NEMP2: variants seen among roughly 807,000 people sequenced by gnomAD.
NEMP2 encodes UPF0571 transmembrane protein.
NEMP2 carries 53 observed loss-of-function variants against 54.2 expected under a neutral mutation model. The ratio of observed to expected loss-of-function variants is 0.98; its 90% CI spans 0.78 to 1.23. NEMP2 has a LOEUF of 1.23. Among genes scored for constraint, NEMP2 ranks in the 50% most tolerant of loss-of-function variants. The probability of loss-of-function intolerance (pLI) is 0.00; values close to 1 mark genes in which losing one functional copy is unlikely to be tolerated. For synonymous variants in NEMP2, 197 were observed against 190.3 expected, an observed-to-expected ratio of 1.04 and a Z score of -0.29; for missense variants, 455 against 511.3, an observed-to-expected ratio of 0.89 and a Z score of 1.06.
At chr2:190,453,358 C>A in the NEMP2 span, among the ~76,000 whole-genome samples, 1 of 152,072 alleles carries the variant, frequency 6.6e-6, no homozygotes, top group South Asian at 2.1e-4. Flanking sequence ...GGAGGATGCC[C>A]ATTGGAAAGT....
At chr2:190,463,494 T>A in the NEMP2 span, among the ~76,000 whole-genome samples, 11 of 151,590 alleles carry the variant, frequency 7.3e-5, no homozygotes, top group Admixed American at 3.3e-4. This position sits in a 1 kb window ranked among gnomAD's most constrained non-coding sequence, Gnocchi z 4.4. Flanking sequence ...AAAAAAAAAT[T>A]TTTTTTAGGG....
At chr2:190,569,037 C>T in the NEMP2 span, among the ~76,000 whole-genome samples, 1 of 151,914 alleles carries the variant, frequency 6.6e-6, no homozygotes, top group African/African-American at 2.4e-5. Flanking sequence ...ACAGCTGAGG[C>T]CAGGTGTGGT....
At chr2:190,636,469 C>CA in the NEMP2 span, among the ~76,000 whole-genome samples, 4 of 152,266 alleles carry the variant, frequency 2.6e-5, no homozygotes, top group Admixed American at 2.6e-4. Context: ...CTTTAAGTCT[C>CA]AAAAATATCC....
the NEMP2 span, among the ~76,000 whole-genome samples, chr2:190,586,681 G>A: frequency 6.6e-6 from 1 of 151,780 alleles, no homozygotes; most frequent in Non-Finnish European, 1.5e-5. This position sits in a 1 kb window ranked among gnomAD's most constrained non-coding sequence, Gnocchi z 4.5. Flanking sequence ...CCAACTAAGA[G>A]GTTTTTATCC....
chr2:190,574,764 T>A, the NEMP2 span, among the ~76,000 whole-genome samples: 1 of 130,118 alleles, frequency 7.7e-6, no homozygotes, highest in Non-Finnish European at 1.7e-5. Context: ...ATTTCCTTCC[T>A]TCCCTCCCTT....
the NEMP2 span, among the ~76,000 whole-genome samples, chr2:190,591,409 T>A: frequency 6.6e-6 from 1 of 152,180 alleles, no homozygotes; most frequent in Admixed American, 6.5e-5. This position sits in a 1 kb window ranked among gnomAD's most constrained non-coding sequence, Gnocchi z 5.4. Flanking sequence ...TGATTCCACC[T>A]CCATGCAATG....
Position 190,512,776 on chromosome 2 carries a change from G to C in NEMP2, c.953+1677C>G, listed in dbSNP as rs1337404697. The stretch of plus-strand genomic sequence containing the variant: ...GGTGTTCCGAGTCACTGTTTGCCTC[G>C]GGCAGATGGGGCAAAGAGAGACCCA... On this transcript the variant is annotated intron_variant, in intron 7 of 8. Transcript: ENST00000409150. This position sits in a 1 kb window ranked among gnomAD's most constrained non-coding sequence, Gnocchi z 4.5. Among the ~76,000 whole-genome samples, 3 of 152,132 alleles carry C rather than the reference G, an allele frequency of 2.0e-5. No homozygotes were observed. The highest frequency in any genetic ancestry group is 4.4e-5 in the Non-Finnish European group (3 of 68,028).
the NEMP2 span, among the ~76,000 whole-genome samples, chr2:190,450,142 G>A: frequency 6.6e-6 from 1 of 152,102 alleles, no homozygotes. Flanking sequence ...CAGCTGTTTC[G>A]TTATCTTGAG....
chr2:190,577,635 G>A, the NEMP2 span, among the ~76,000 whole-genome samples: 1 of 152,162 alleles, frequency 6.6e-6, no homozygotes, highest in Non-Finnish European at 1.5e-5. The surrounding 1 kb of genome is among the most constrained non-coding windows in gnomAD (Gnocchi z 4.8). Context: ...CAGCACTTTG[G>A]GAGGCTGAGG....
the NEMP2 span, among the ~76,000 whole-genome samples, chr2:190,480,090 A>C: frequency 2.6e-3 from 402 of 152,174 alleles, 1 homozygote; most frequent in Non-Finnish European, 3.8e-3. Context: ...TTGACCCCAA[A>C]AGGTTGAAGC....
the NEMP2 span, among the ~76,000 whole-genome samples, chr2:190,598,274 CTT>C: frequency 6.6e-6 from 1 of 152,142 alleles, no homozygotes; most frequent in African/African-American, 2.4e-5. Context: ...AGAGAAGACT[CTT>C]GGGAGAATAA....
At chr2:190,631,217 C>T in the NEMP2 span, among the ~76,000 whole-genome samples, 3 of 152,144 alleles carry the variant, frequency 2.0e-5, no homozygotes, top group Non-Finnish European at 2.9e-5. Flanking sequence ...TTCCAAGATG[C>T]TTACATATCC....
chr2:190,610,713 A>G, the NEMP2 span: 2 of 152,362 alleles, frequency 1.3e-5, no homozygotes. This position sits in a 1 kb window ranked among gnomAD's most constrained non-coding sequence, Gnocchi z 5.4. Context: ...TTTTGGAATC[A>G]GGTAGAGAGA....
At chr2:190,551,015 A>T in the NEMP2 span, among the ~76,000 whole-genome samples, 1 of 150,658 alleles carries the variant, frequency 6.6e-6, no homozygotes, top group East Asian at 1.9e-4. Flanking sequence ...GTTGTAAAAA[A>T]TATGATGGTA....
the NEMP2 span, among the ~76,000 whole-genome samples, chr2:190,595,196 G>A: frequency 6.6e-6 from 1 of 152,164 alleles, no homozygotes; most frequent in Non-Finnish European, 1.5e-5. This position sits in a 1 kb window ranked among gnomAD's most constrained non-coding sequence, Gnocchi z 4.0. Flanking sequence ...ACACTGGCTA[G>A]CCATATGCAG....
At chr2:190,441,616 T>C in the NEMP2 span, among the ~76,000 whole-genome samples, 3 of 152,120 alleles carry the variant, frequency 2.0e-5, no homozygotes, top group Admixed American at 2.0e-4. Context: ...CATGTGCTGG[T>C]CAGTACTCAG....
chr2:190,537,147 A>G (rs904395563), upstream of NEMP2, among the ~76,000 whole-genome samples: 16 of 152,236 alleles, frequency 1.1e-4, no homozygotes, highest in African/African-American at 3.9e-4. Flanking sequence ...ATTTCAGCAG[A>G]AAGAGGAAAA....
At position 190,531,997 on chromosome 2, in the gene NEMP2, A is replaced by C. The variant is rs1175320905; in HGVS notation, c.97+2562T>G. ...ATATGGGGAAAAAAAATATCTTCAG[A>C]TGAAACTAGAATGGAATCATAATAT... On this transcript the variant is annotated intron_variant, in intron 1 of 8. Coordinates refer to ENST00000409150, the MANE Select transcript of NEMP2 (RefSeq NM_001142645.2). This position sits in a 1 kb window ranked among gnomAD's most constrained non-coding sequence, Gnocchi z 4.7. Among the ~76,000 whole-genome samples, 1 of 152,170 alleles carries C rather than the reference A, an allele frequency of 6.6e-6. No homozygotes were observed. Among genetic ancestry groups the C allele is most frequent in the Non-Finnish European group, 1.5e-5 (1 of 68,042 alleles).
the NEMP2 span, among the ~76,000 whole-genome samples, chr2:190,644,473 ATATTC>A: frequency 6.6e-6 from 1 of 152,226 alleles, no homozygotes; most frequent in African/African-American, 2.4e-5. The surrounding 1 kb of genome is among the most constrained non-coding windows in gnomAD (Gnocchi z 4.4). Flanking sequence ...GGCATACATT[ATATTC>A]TATTTTCCAT....
Sources: gnomAD v4.1 joint callset for allele counts (sites outside exome capture counted in the v4.1 genomes callset) on GRCh38, gnomAD v4.1.1 for gene constraint, Gnocchi (gnomAD v3.1) non-coding constraint, MANE v1.5 for transcripts, NCBI Gene and HGNC (gene_info 2026-07-23, HGNC 2026-07-21) for gene names.